Variants in IL1RAPL1 observed in about 807,000 individuals in gnomAD.
IL1RAPL1 encodes the protein interleukin-1 receptor accessory protein-like 1.
IL1RAPL1 carries 3 observed loss-of-function variants against 48.4 expected under a neutral mutation model. The observed-to-expected ratio is 0.06, with a 90% CI of 0.03 to 0.16. The LOEUF is 0.16. Among genes scored for constraint, IL1RAPL1 ranks in the 10% least tolerant of loss-of-function variants. IL1RAPL1 has a pLI of 1.00. For synonymous variants in IL1RAPL1, 185 were observed against 187.7 expected (o/e 0.99, Z 0.12); for missense variants, 349 against 530.6 (o/e 0.66, Z 3.36).
At chrX:29,245,761 C>T (rs963532435) in intron 2 of IL1RAPL1, among the ~76,000 whole-genome samples, 1 of 111,660 alleles carries the variant, frequency 9.0e-6, no homozygotes, top group African/African-American at 3.3e-5. Context: ...TTTTGCTGTG[C>T]AGAAGCTTTT....
intron 2 of IL1RAPL1, among the ~76,000 whole-genome samples, chrX:29,001,891 G>T (rs1282512848): frequency 1.9e-5 from 2 of 105,613 alleles, no homozygotes; most frequent in Non-Finnish European, 3.9e-5. Flanking sequence ...TTCACACAAT[G>T]AAGAACTTTT....
intron 2 of IL1RAPL1, among the ~76,000 whole-genome samples, chrX:29,065,287 T>C: frequency 9.0e-6 from 1 of 111,577 alleles, no homozygotes; most frequent in South Asian, 3.8e-4. Context: ...ATAACTTTAC[T>C]ACATATAAGA....
At chrX:29,848,920 C>A in intron 6 of IL1RAPL1, among the ~76,000 whole-genome samples, 1 of 110,718 alleles carries the variant, frequency 9.0e-6, no homozygotes, top group Non-Finnish European at 1.9e-5. Context: ...GTGTGCACCA[C>A]CATACCTGGC....
At chrX:28,710,086 A>G (rs1324926841) in intron 1 of IL1RAPL1, among the ~76,000 whole-genome samples, 1 of 110,953 alleles carries the variant, frequency 9.0e-6, no homozygotes, top group Non-Finnish European at 1.9e-5. Flanking sequence ...GTATAATATG[A>G]TTCTATTTTA....
chrX:29,570,438 G>T (rs369205645), intron 5 of IL1RAPL1, among the ~76,000 whole-genome samples: 1 of 112,326 alleles, frequency 8.9e-6, no homozygotes, highest in African/African-American at 3.2e-5. Context: ...TTTAATCTCT[G>T]CTCTGATATC....
At chrX:28,710,241 G>A (rs868228237) in intron 1 of IL1RAPL1, among the ~76,000 whole-genome samples, 23 of 110,325 alleles carry the variant, frequency 2.1e-4, no homozygotes, top group Admixed American at 6.9e-4. Context: ...ACATTCTTGA[G>A]GGGAGATAGA....
chrX:28,731,008 G>A (rs1434916351), intron 1 of IL1RAPL1, among the ~76,000 whole-genome samples: 1 of 111,199 alleles, frequency 9.0e-6, no homozygotes, highest in African/African-American at 3.3e-5. Context: ...TCAGATGTAA[G>A]AATGCTCACT....
At chrX:29,098,626 G>A (rs1444501680) in intron 2 of IL1RAPL1, among the ~76,000 whole-genome samples, 1 of 111,723 alleles carries the variant, frequency 9.0e-6, no homozygotes, top group Non-Finnish European at 1.9e-5. Context: ...TAGGCCTTGA[G>A]TCAGAATCTG....
rs1299847332 is a variant in IL1RAPL1, at chrX:29,329,037, C to T, written c.362+45820C>T. ...ATCTAACACAGAAATTTCCCAATCACTTAATCTGCTTAATATTTATAGATC... is the reference window on the plus strand; with the variant it reads ...ATCTAACACAGAAATTTCCCAATCATTTAATCTGCTTAATATTTATAGATC... On this transcript the variant is annotated intron_variant, in intron 3 of 10. Transcript: ENST00000378993. Among the ~76,000 whole-genome samples the T allele has an allele frequency of 6.3e-5, 7 of 111,274 alleles. No individual in the cohort carries two copies. In the East Asian group the frequency reaches 2.0e-3, roughly 31 times the overall value.
rs188946974 is a variant in IL1RAPL1, at chrX:28,952,740, G to A, written c.82+163315G>A. Among the ~76,000 whole-genome samples the A allele has an allele frequency of 2.2e-4, 24 of 111,276 alleles. No homozygotes were observed. In the East Asian group the frequency reaches 6.8e-3, roughly 31 times the overall value. ...AGGAAAAGTGTTTTTATGGAAATAT[G>A]TAGTGTTTAACATCCTTAGAATAAA... On this transcript the variant is annotated intron_variant, in intron 2 of 10. Transcript: ENST00000378993.
chrX:28,716,171 T>C (rs931946325), intron 1 of IL1RAPL1, among the ~76,000 whole-genome samples: 5 of 111,969 alleles, frequency 4.5e-5, no homozygotes, highest in Middle Eastern at 4.6e-3. Context: ...AACTAGGTAT[T>C]GAAGGAACAT....
At chrX:29,855,895 G>C (rs1931468739) in intron 6 of IL1RAPL1, among the ~76,000 whole-genome samples, 1 of 111,127 alleles carries the variant, frequency 9.0e-6, no homozygotes, top group Non-Finnish European at 1.9e-5. Context: ...GTCTCAGACA[G>C]TACCTGAGTC....
At chrX:29,468,470 T>C (rs1295227154) in intron 5 of IL1RAPL1, among the ~76,000 whole-genome samples, 2 of 112,204 alleles carry the variant, frequency 1.8e-5, no homozygotes, top group African/African-American at 6.5e-5. Context: ...TCCTTCTTTA[T>C]TATGTCCACC....
intron 5 of IL1RAPL1, among the ~76,000 whole-genome samples, chrX:29,406,748 G>C (rs193187580): frequency 5.9e-4 from 65 of 109,878 alleles, no homozygotes; most frequent in Non-Finnish European, 1.1e-3. Flanking sequence ...GCCTGTGGTT[G>C]AACTTTTAGG....
At chrX:29,712,541 GA>G in intron 6 of IL1RAPL1, among the ~76,000 whole-genome samples, 1 of 112,078 alleles carries the variant, frequency 8.9e-6, no homozygotes, top group Middle Eastern at 4.7e-3. Flanking sequence ...TACTCAGGTT[GA>G]AAAATTATAT....
In IL1RAPL1 at chrX:29,901,701, T is replaced by C. The variant is rs772216272; in HGVS notation, c.779-15763T>C. Among the ~76,000 whole-genome samples, 10 of 112,124 alleles carry C rather than the reference T, an allele frequency of 8.9e-5. No individual in the cohort carries two copies. In the South Asian group the frequency reaches 2.2e-3, roughly 25 times the overall value. ...TTCTTTATGCATTTTTAATGGCTGA[T>C]TTAAATATACTTGGAGGCTAAAAAT... On this transcript the variant is annotated intron_variant, in intron 6 of 10. Transcript: ENST00000378993.
intron 8 of IL1RAPL1, among the ~76,000 whole-genome samples, chrX:29,930,568 G>A (rs1932936097): frequency 8.9e-6 from 1 of 111,923 alleles, no homozygotes; most frequent in African/African-American, 3.2e-5. Context: ...ATGATTCCAT[G>A]TGATCTTTAA....
intron 5 of IL1RAPL1, among the ~76,000 whole-genome samples, chrX:29,479,894 G>A (rs184747329): frequency 8.1e-5 from 9 of 111,191 alleles, no homozygotes; most frequent in Admixed American, 3.8e-4. Flanking sequence ...TATATATACC[G>A]CATTTTCTTT....
At chrX:29,489,942 A>G (rs187022602) in intron 5 of IL1RAPL1, among the ~76,000 whole-genome samples, 411 of 111,668 alleles carry the variant, frequency 3.7e-3, no homozygotes, top group African/African-American at 0.012. Flanking sequence ...TTTAGAGCTA[A>G]CTTCTGTGAC....
Sources: gnomAD v4.1 joint callset for allele counts (sites outside exome capture counted in the v4.1 genomes callset) on GRCh38, gnomAD v4.1.1 for gene constraint, MANE v1.5 for transcripts, NCBI Gene and HGNC (gene_info 2026-07-23, HGNC 2026-07-21) for gene names.